CLOCK: variants seen among roughly 807,000 people sequenced by gnomAD.
CLOCK encodes clock circadian regulator.
Under a neutral mutation model 118.4 loss-of-function variants are expected in CLOCK, and 43 were observed. The observed-to-expected ratio is 0.36, with a 90% CI of 0.28 to 0.47. The LOEUF is 0.47. Ranked by LOEUF, CLOCK falls within the 20% of genes least tolerant of loss-of-function variation. CLOCK has a pLI of 1.00. For synonymous variants in CLOCK, 326 were observed against 339.2 expected (o/e 0.96, Z 0.43); for missense variants, 846 against 999.9 (o/e 0.85, Z 2.08).
intron 1 of CLOCK, among the ~76,000 whole-genome samples, chr4:55,534,036 A>G (rs1311988448): frequency 6.6e-6 from 1 of 152,220 alleles, no homozygotes; most frequent in Non-Finnish European, 1.5e-5. Flanking sequence ...CCTGTGTCTT[A>G]AAACATTAAT....
chr4:55,542,837 A>G (rs1249962599), intron 1 of CLOCK, among the ~76,000 whole-genome samples: 1 of 152,096 alleles, frequency 6.6e-6, no homozygotes, highest in Non-Finnish European at 1.5e-5. Flanking sequence ...GCAAGTACAG[A>G]AGGAAAAAAA....
rs1728473490 is a variant in CLOCK at position 55,501,951 on chromosome 4, A to T, written c.-136+7961T>A. Reference sequence around the variant, plus strand: ...ACAGTCCAGTATATTTGTATAAACTACAAGGGCTTTTATAAAACATAACTA... The same window carrying T: ...ACAGTCCAGTATATTTGTATAAACTTCAAGGGCTTTTATAAAACATAACTA... On this transcript the variant is annotated intron_variant, in intron 2 of 22. Coordinates refer to ENST00000513440, the MANE Select transcript of CLOCK (RefSeq NM_004898.4). Among the ~76,000 whole-genome samples the T allele has an allele frequency of 2.0e-5, 3 of 152,206 alleles. No individual in the cohort carries two copies. The South Asian group carries it at 6.2e-4, about 32-fold the overall frequency.
chr4:55,537,230 C>G (rs1457811593), intron 1 of CLOCK, among the ~76,000 whole-genome samples: 1 of 152,036 alleles, frequency 6.6e-6, no homozygotes, highest in Non-Finnish European at 1.5e-5. Context: ...CATCTGTATC[C>G]CAGCACTCCA....
At chr4:55,479,306 C>T (rs1295935420) in intron 5 of CLOCK, among the ~76,000 whole-genome samples, 2 of 152,046 alleles carry the variant, frequency 1.3e-5, no homozygotes, top group Non-Finnish European at 2.9e-5. Flanking sequence ...AATAAAGACG[C>T]TATTCTATGT....
chr4:55,471,100 T>C (rs1577740933), intron 7 of CLOCK, among the ~76,000 whole-genome samples: 1 of 152,194 alleles, frequency 6.6e-6, no homozygotes, highest in African/African-American at 2.4e-5. Context: ...CAATCATGTA[T>C]ATACAGTATT....
chr4:55,511,801 T>C lies in CLOCK; in HGVS notation c.-289-1736A>G, dbSNP rs947325969. 3.3e-5 allele frequency among the ~76,000 whole-genome samples: 5 copies of C among 152,286 alleles called. No homozygotes were observed. The East Asian group carries it at 7.7e-4, about 24-fold the overall frequency. On this transcript the variant is annotated intron_variant, in intron 1 of 22. Coordinates refer to ENST00000513440, the MANE Select transcript of CLOCK (RefSeq NM_004898.4). ...CTAACCCCTACACCACATTCATTTT[T>C]TTATTACCTCCATAATTTTGCCTTT...
At chr4:55,473,296 C>T (rs1454548201) in intron 7 of CLOCK, among the ~76,000 whole-genome samples, 1 of 151,810 alleles carries the variant, frequency 6.6e-6, no homozygotes, top group Non-Finnish European at 1.5e-5. Flanking sequence ...CTATTGTCTA[C>T]TTCATAATAC....
chr4:55,450,319 T>A, intron 15 of CLOCK, 87 bp from the exon 16 acceptor site: 1 of 1,525,688 alleles, frequency 6.6e-7, no homozygotes, highest in Admixed American at 1.7e-5. Flanking sequence ...AACAAAAAAA[T>A]CAGTTTTTGT....
At chr4:55,524,874 T>C (rs1163636318) in intron 1 of CLOCK, among the ~76,000 whole-genome samples, 1 of 152,162 alleles carries the variant, frequency 6.6e-6, no homozygotes, top group East Asian at 1.9e-4. Flanking sequence ...ACAATGATGA[T>C]ATCTCCAGAC....
chr4:55,460,447 C>G (rs1161360460), intron 9 of CLOCK, among the ~76,000 whole-genome samples: 2 of 152,104 alleles, frequency 1.3e-5, no homozygotes, highest in African/African-American at 4.8e-5. Flanking sequence ...TTTCAAGCTC[C>G]CTTCGTCTAT....
intron 8 of CLOCK, among the ~76,000 whole-genome samples, chr4:55,466,673 A>G (rs1042110695): frequency 6.6e-6 from 1 of 152,188 alleles, no homozygotes; most frequent in African/African-American, 2.4e-5. Context: ...TAGTATGATC[A>G]CAAGCAATGC....
intron 8 of CLOCK, among the ~76,000 whole-genome samples, chr4:55,468,933 T>C (rs192434514): frequency 1.3e-5 from 2 of 152,272 alleles, no homozygotes; most frequent in Admixed American, 6.5e-5. Flanking sequence ...TGTAATGTCA[T>C]AGATCAATGC....
At position 55,444,607 on chromosome 4, in the gene CLOCK, T is replaced by C; in HGVS notation, c.1692+26A>G. 3 of 1,613,822 alleles carry C rather than the reference T, an allele frequency of 1.9e-6. No individual in the cohort carries two copies. In the South Asian group the frequency reaches 3.3e-5, roughly 18 times the overall value. On this transcript the variant is annotated intron_variant, in intron 19 of 22. Transcript: ENST00000513440. ...AATCCAAAATGTGAATGGGATGCTT[T>C]GTTTGTATTCAAATATAACAATTAC... is the stretch of plus-strand genomic sequence containing the variant.
chr4:55,485,272 A>T (rs986485236), intron 3 of CLOCK, among the ~76,000 whole-genome samples: 8 of 151,970 alleles, frequency 5.3e-5, no homozygotes, highest in Non-Finnish European at 1.2e-4. Context: ...GTCAGATATA[A>T]CTCTTAACAG....
chr4:55,438,520 T>C lies in CLOCK; in HGVS notation c.2123A>G (p.Gln708Arg), dbSNP rs1457056014. Residue 708 changes from glutamine (Q) to arginine (R), a missense_variant, in exon 22 of 23, where the codon CAA (glutamine) becomes CGA (arginine). Around this residue, in one of 4 missense-constraint regions of CLOCK, gnomAD observed 520 missense variants for 558.0 expected, o/e 0.93. Coordinates refer to ENST00000513440, the MANE Select transcript of CLOCK (RefSeq NM_004898.4). ...AGCAGTCACTAATTTGGTCACAAGT[T>C]GTTGACCTTGAGAAAATCTGTTAGA... The part of the protein sequence containing the change: ...DRQIRFSQGQ[Q>R]LVTKLVTAPV... The C allele has an allele frequency of 6.2e-7, 1 of 1,613,584 alleles. No homozygotes were observed.
intron 11 of CLOCK, among the ~76,000 whole-genome samples, chr4:55,457,917 T>G (rs1230932966): frequency 6.6e-6 from 1 of 151,562 alleles, no homozygotes; most frequent in Non-Finnish European, 1.5e-5. Flanking sequence ...ACTTATAGGG[T>G]TGTCATAAGA....
chr4:55,441,708 A>G (rs1723382141), intron 21 of CLOCK, among the ~76,000 whole-genome samples: 1 of 151,974 alleles, frequency 6.6e-6, no homozygotes, highest in Non-Finnish European at 1.5e-5. Flanking sequence ...ACAGAGTGAT[A>G]TAATAGACTT....
chr4:55,470,674 A>T (rs1726075937), intron 8 of CLOCK, 43 bp downstream of exon 8: 4 of 1,314,416 alleles, frequency 3.0e-6, no homozygotes, highest in Non-Finnish European at 4.4e-6. Context: ...TATTTAAAAT[A>T]GGCATTTTAA....
chr4:55,462,711 G>C (rs1345908050), intron 9 of CLOCK, among the ~76,000 whole-genome samples: 1 of 152,182 alleles, frequency 6.6e-6, no homozygotes, highest in Non-Finnish European at 1.5e-5. Flanking sequence ...TACCAGACTA[G>C]AGTGGCCTAA....
Sources: allele counts gnomAD v4.1 joint callset (sites outside exome capture counted in the v4.1 genomes callset), GRCh38; gene constraint gnomAD v4.1.1; regional missense constraint gnomAD v4.1.1; transcripts MANE v1.5; gene names NCBI Gene and HGNC (gene_info 2026-07-23, HGNC 2026-07-21).